Variants in PCDH7 observed in about 807,000 individuals in gnomAD.
PCDH7 encodes protocadherin 7.
Under a neutral mutation model 58.9 loss-of-function variants are expected in PCDH7, and 17 were observed. That is an observed-to-expected ratio of 0.29 (90% CI 0.20 to 0.43). PCDH7 has a LOEUF of 0.43. Ranked by LOEUF, PCDH7 falls within the 20% of genes least tolerant of loss-of-function variation. PCDH7 has a pLI of 1.00. For synonymous variants in PCDH7, 664 were observed against 616.4 expected (o/e 1.08, Z -1.14); for missense variants, 1,274 against 1,441.0 (o/e 0.88, Z 1.88).
intron 1 of PCDH7, among the ~76,000 whole-genome samples, chr4:30,806,512 G>A (rs1472245783): frequency 6.6e-6 from 1 of 151,686 alleles, no homozygotes; most frequent in Admixed American, 6.6e-5. Flanking sequence ...CACCATGTTG[G>A]TCAGGCTGGT....
intron 1 of PCDH7, among the ~76,000 whole-genome samples, chr4:30,891,979 C>T (rs543191204): frequency 5.9e-5 from 9 of 151,718 alleles, no homozygotes; most frequent in Non-Finnish European, 1.2e-4. Flanking sequence ...AAGAGAGATA[C>T]TCTGTCAAAA....
intron 3 of PCDH7, among the ~76,000 whole-genome samples, chr4:31,095,712 G>C (rs994505822): frequency 5.3e-5 from 8 of 152,082 alleles, no homozygotes; most frequent in African/African-American, 1.4e-4. Flanking sequence ...TTATCAGCAA[G>C]GGAAATAACA....
At chr4:30,989,816 C>A (rs1380584643) in intron 3 of PCDH7, among the ~76,000 whole-genome samples, 3 of 152,078 alleles carry the variant, frequency 2.0e-5, no homozygotes, top group Non-Finnish European at 4.4e-5. Flanking sequence ...GTATAAATTT[C>A]AGTGAAAAGA....
At chr4:30,778,603 T>A in intron 1 of PCDH7, among the ~76,000 whole-genome samples, 1 of 152,196 alleles carries the variant, frequency 6.6e-6, no homozygotes, top group East Asian at 1.9e-4. Context: ...ACAAAGAATT[T>A]TTTTTTGTAT....
chr4:31,032,676 G>A (rs12644925), intron 3 of PCDH7, among the ~76,000 whole-genome samples: 1,666 of 54,760 alleles, frequency 0.03, 41 homozygotes, highest in African/African-American at 0.13. Flanking sequence ...GGAAGGGAGG[G>A]AGGGAGGGAG....
At chr4:30,749,067 G>C (rs7695488) in intron 1 of PCDH7, among the ~76,000 whole-genome samples, 83,057 of 152,016 alleles carry the variant, frequency 0.55, 23,416 homozygotes, top group African/African-American at 0.68. Flanking sequence ...TTGGAGAAGG[G>C]CATTTAGTCG....
chr4:31,111,164 C>T (rs1259833836), intron 3 of PCDH7, among the ~76,000 whole-genome samples: 1 of 152,070 alleles, frequency 6.6e-6, no homozygotes, highest in Admixed American at 6.6e-5. Context: ...ATTATTATTA[C>T]AAACTGCAAA....
chr4:31,089,143 A>G (rs1578765511), intron 3 of PCDH7, among the ~76,000 whole-genome samples: 1 of 152,052 alleles, frequency 6.6e-6, no homozygotes, highest in East Asian at 1.9e-4. Flanking sequence ...ACTGAAAATG[A>G]CCACACTGCA....
intron 1 of PCDH7, among the ~76,000 whole-genome samples, chr4:30,882,956 G>T (rs1295775840): frequency 1.3e-5 from 2 of 152,132 alleles, no homozygotes; most frequent in Non-Finnish European, 2.9e-5. Context: ...ACATAATAAA[G>T]GTTATCCCAT....
chr4:31,118,193 ATGG>A (rs1717231208), intron 3 of PCDH7, among the ~76,000 whole-genome samples: 1 of 152,184 alleles, frequency 6.6e-6, no homozygotes, highest in Non-Finnish European at 1.5e-5. Context: ...ATAAAAACCC[ATGG>A]TTCTTTTAAA....
At chr4:30,967,402 AT>A (rs1240920333) in intron 3 of PCDH7, among the ~76,000 whole-genome samples, 1 of 152,128 alleles carries the variant, frequency 6.6e-6, no homozygotes, top group Non-Finnish European at 1.5e-5. Context: ...CGTGGTTGAT[AT>A]TATTTTCTTC....
intron 2 of PCDH7, among the ~76,000 whole-genome samples, chr4:30,934,573 C>T (rs1745097825): frequency 6.6e-6 from 1 of 151,974 alleles, no homozygotes. Flanking sequence ...TAATCTATTC[C>T]TTTGCCTTTC....
chr4:30,926,985 G>A (rs1269919966), intron 2 of PCDH7, among the ~76,000 whole-genome samples: 4 of 151,842 alleles, frequency 2.6e-5, no homozygotes, highest in Admixed American at 1.3e-4. Flanking sequence ...AAAATGTGTG[G>A]CCGTATTACC....
chr4:30,960,588 C>G (rs543910802), intron 3 of PCDH7, among the ~76,000 whole-genome samples: 1 of 152,308 alleles, frequency 6.6e-6, no homozygotes, highest in Non-Finnish European at 1.5e-5. Flanking sequence ...GTTAGAGAAA[C>G]AATCACAGTG....
At chr4:30,732,188 G>A (rs959689061) in exon 2 of PCDH7, 1 of 152,124 alleles carries the variant, frequency 6.6e-6, no homozygotes, top group Non-Finnish European at 1.5e-5. Context: ...TGCAAGTACA[G>A]TAAGATTTCT....
chr4:31,135,597 T>C (rs1350698919), intron 3 of PCDH7, among the ~76,000 whole-genome samples: 1 of 152,204 alleles, frequency 6.6e-6, no homozygotes, highest in African/African-American at 2.4e-5. Flanking sequence ...TAATAAATTA[T>C]CTGAAACCCT....
chr4:31,007,645 A>G (rs1426866216), intron 3 of PCDH7, among the ~76,000 whole-genome samples: 12 of 151,762 alleles, frequency 7.9e-5, no homozygotes, highest in Admixed American at 7.2e-4. Context: ...ATAGTTTTCC[A>G]AATTCTGGAA....
At chr4:30,951,354 G>A (rs1362364571) in intron 3 of PCDH7, among the ~76,000 whole-genome samples, 8 of 152,110 alleles carry the variant, frequency 5.3e-5, no homozygotes, top group African/African-American at 7.2e-5. Flanking sequence ...TGTTAGTCTG[G>A]ACCATTAATC....
chr4:31,083,239 C>T (rs532707312), intron 3 of PCDH7, among the ~76,000 whole-genome samples: 130 of 152,022 alleles, frequency 8.6e-4, no homozygotes, highest in Non-Finnish European at 1.7e-3. Flanking sequence ...CCCCTTGTAC[C>T]CCAAAAGCTA....
Sources: gnomAD v4.1 joint callset for allele counts (sites outside exome capture counted in the v4.1 genomes callset) on GRCh38, gnomAD v4.1.1 for gene constraint, MANE v1.5 for transcripts, NCBI Gene and HGNC (gene_info 2026-07-23, HGNC 2026-07-21) for gene names.